The following RCOR3 variants were observed in gnomAD, a reference collection of about 807,000 sequenced individuals.
RCOR3 encodes REST corepressor 3.
Under a neutral mutation model 64.1 loss-of-function variants are expected in RCOR3, and 13 were observed. The ratio of observed to expected loss-of-function variants is 0.20; its 90% CI spans 0.13 to 0.32. RCOR3 has a LOEUF of 0.32. Ranked by LOEUF, RCOR3 falls within the 10% of genes least tolerant of loss-of-function variation. The pLI, the probability that RCOR3 is intolerant of heterozygous loss-of-function variation, is 1.00. For missense variants in RCOR3, 489 were observed against 701.2 expected, an observed-to-expected ratio of 0.70 and a Z score of 3.42; for synonymous variants, 215 against 239.0, an observed-to-expected ratio of 0.90 and a Z score of 0.93.
intron 7 of RCOR3, among the ~76,000 whole-genome samples, chr1:211,285,974 G>A (rs1283648175): frequency 6.6e-6 from 1 of 152,088 alleles, no homozygotes; most frequent in Non-Finnish European, 1.5e-5. Flanking sequence ...CTGTTATGTT[G>A]ATAGCTCCAC....
intron 10 of RCOR3, among the ~76,000 whole-genome samples, chr1:211,307,800 A>G (rs1325057699): frequency 6.6e-6 from 1 of 151,514 alleles, no homozygotes; most frequent in Non-Finnish European, 1.5e-5. Context: ...CCGATTGTAT[A>G]AAGATGTCAA....
At chr1:211,295,528 A>G in intron 8 of RCOR3, 148 bp from the exon 9 acceptor site, 1 of 623,658 alleles carries the variant, frequency 1.6e-6, no homozygotes, top group Non-Finnish European at 2.8e-6. Flanking sequence ...AATTAGTGGC[A>G]TGTCATACCC....
chr1:211,313,728 T>C lies in RCOR3; in HGVS notation c.1622T>C (p.Leu541Pro), dbSNP rs1040635822. 6.2e-7 allele frequency: 1 copy of C among 1,614,228 alleles called. No individual in the cohort carries two copies. The highest frequency in any genetic ancestry group is 1.3e-5 in the African/African-American group (1 of 75,062). ...STVGGQQPPS[L>P]IGIQTDSQSS... ...GTTGGTGGTCAACAGCCACCATCACTTATTGGAATTCAGACAGATTCACAG... is the reference window on the plus strand; with the variant it reads ...GTTGGTGGTCAACAGCCACCATCACCTATTGGAATTCAGACAGATTCACAG... The change falls in exon 12 of 12, where the codon CTT becomes CCT. Residue 541 changes from leucine to proline, a missense_variant. Coordinates refer to ENST00000419091, the MANE Select transcript of RCOR3 (RefSeq NM_001136223.3). The surrounding 1 kb of genome is among the most constrained non-coding windows in gnomAD (Gnocchi z 4.7).
At chr1:211,289,043 CATAATAT>C (rs1698922971) in intron 7 of RCOR3, 128 bp from the exon 8 acceptor site, 1 of 661,388 alleles carries the variant, frequency 1.5e-6, no homozygotes, top group African/African-American at 1.8e-5. Context: ...TGGACTTGTA[CATAATAT>C]ATAATTGGTT....
chr1:211,288,696 CAGCAACTGTAA>C, intron 7 of RCOR3, among the ~76,000 whole-genome samples: 1 of 151,540 alleles, frequency 6.6e-6, no homozygotes, highest in East Asian at 1.9e-4. Flanking sequence ...AGTTTTCTTT[CAGCAACTGTAA>C]AGTAAAAATG....
At chr1:211,274,317 G>C in intron 4 of RCOR3, 55 bp downstream of exon 4, 1 of 1,230,488 alleles carries the variant, frequency 8.1e-7, no homozygotes, top group Non-Finnish European at 1.2e-6. Context: ...ACCAAATCTA[G>C]ATTATCTCAT....
intron 9 of RCOR3, chr1:211,303,171 TTC>T (rs2102640078): frequency 6.6e-6 from 1 of 152,356 alleles, no homozygotes; most frequent in Admixed American, 6.5e-5. Flanking sequence ...CTCTCCTTAA[TTC>T]TAACTCCGTT....
intron 9 of RCOR3, among the ~76,000 whole-genome samples, chr1:211,300,661 T>C (rs543627775): frequency 6.6e-6 from 1 of 152,352 alleles, no homozygotes; most frequent in African/African-American, 2.4e-5. Flanking sequence ...GTTAAAGTCA[T>C]ATCATATGTT....
chr1:211,276,085 T>G (rs761168665), intron 4 of RCOR3, among the ~76,000 whole-genome samples, 172 bp from the exon 5 acceptor site: 4 of 152,140 alleles, frequency 2.6e-5, no homozygotes, highest in African/African-American at 4.8e-5. Flanking sequence ...TTAAAAGAAA[T>G]AAATAAATGA....
chr1:211,307,517 T>G (rs1700976142), intron 10 of RCOR3, among the ~76,000 whole-genome samples: 1 of 152,124 alleles, frequency 6.6e-6, no homozygotes, highest in African/African-American at 2.4e-5. Flanking sequence ...AAAAAGGAAT[T>G]TAAAAGAATT....
chr1:211,282,286 CA>C (rs150262936), intron 7 of RCOR3, among the ~76,000 whole-genome samples: 4,830 of 152,234 alleles, frequency 0.032, 279 homozygotes, highest in East Asian at 0.26. Context: ...TCATTCCAAA[CA>C]ATAAGGATAC....
chr1:211,312,849 G>C lies in RCOR3; in HGVS notation c.1205G>C (p.Trp402Ser). The C allele has an allele frequency of 6.2e-7, 1 of 1,614,184 alleles. No individual in the cohort carries two copies. The highest frequency in any genetic ancestry group is 8.5e-7 in the Non-Finnish European group (1 of 1,180,020). ...AACTTAGAGGAGGTATTGCAGGAGT[G>C]GGAAGCAGAACAAGGAACCCAGGCT... ...RFNLEEVLQE[W>S]EAEQGTQASN... is the part of the protein sequence containing the mutation. The change falls in exon 11 of 12, where the codon TGG (tryptophan) becomes TCG (serine). Residue 402 changes from tryptophan to serine, a missense_variant. Physicochemically the swap from Trp to Ser is radical, Grantham distance 177. This residue lies in a region of RCOR3 where 402 missense variants were observed against 617.0 expected (regional missense o/e 0.65). Coordinates refer to ENST00000419091, the MANE Select transcript of RCOR3 (RefSeq NM_001136223.3). This position sits in a 1 kb window ranked among gnomAD's most constrained non-coding sequence, Gnocchi z 5.0.
intron 10 of RCOR3, among the ~76,000 whole-genome samples, chr1:211,309,789 G>A (rs1220582063): frequency 6.6e-6 from 1 of 152,338 alleles, no homozygotes; most frequent in African/African-American, 2.4e-5. Context: ...CTCTGATGCC[G>A]TAAGTTGTTA....
chr1:211,259,752 C>T, intron 1 of RCOR3, 26 bp downstream of exon 1: 2 of 1,448,202 alleles, frequency 1.4e-6, no homozygotes, highest in South Asian at 1.4e-5. Context: ...TCCTCCCCGC[C>T]AGCCCGCCTG....
chr1:211,281,844 G>A (rs1300938072), intron 7 of RCOR3, among the ~76,000 whole-genome samples: 4 of 152,054 alleles, frequency 2.6e-5, no homozygotes, highest in East Asian at 1.9e-4. Flanking sequence ...CTACTGAGTG[G>A]TACTTGTTTA....
intron 7 of RCOR3, among the ~76,000 whole-genome samples, chr1:211,288,326 A>C (rs1404542896): frequency 1.3e-5 from 2 of 151,298 alleles, no homozygotes; most frequent in Non-Finnish European, 2.9e-5. Flanking sequence ...TACTTTAAGA[A>C]CAACTTATAA....
chr1:211,302,773 G>A (rs1700509515), intron 9 of RCOR3: 1 of 152,164 alleles, frequency 6.6e-6, no homozygotes, highest in Non-Finnish European at 1.5e-5. Context: ...AGCCAAGGTA[G>A]CATCAGATTG....
rs1701831057 is a variant in RCOR3 at position 211,315,698 on chromosome 1, G to C, written c.*1930G>C. 1 of 152,188 alleles carries C rather than the reference G, an allele frequency of 6.6e-6. No homozygotes were observed. Among genetic ancestry groups the C allele is most frequent in the African/African-American group, 2.4e-5 (1 of 41,426 alleles). The allele number at this position is 152,188 out of a possible 1,614,324, so 9.4% of individuals were successfully genotyped here. A position where few individuals can be genotyped will look rare whatever the true frequency, so the allele number is the denominator to read the frequency against. The stretch of plus-strand genomic sequence containing the variant: ...ACAGTATGTGGGATATGTCAGTCAA[G>C]TTGGTCAGCACCAGCATCTGTCCAG... On this transcript the variant is annotated 3_prime_UTR_variant, in exon 12 of 12. Coordinates refer to ENST00000419091, the MANE Select transcript of RCOR3 (RefSeq NM_001136223.3).
rs75478613 is a variant in RCOR3, at chr1:211,308,001, C to A, written c.1075+3861C>A. 4.1e-4 allele frequency among the ~76,000 whole-genome samples: 61 copies of A among 150,232 alleles called. 3 individuals carry two copies. In the East Asian group the frequency reaches 0.012, roughly 29 times the overall value. On this transcript the variant is annotated intron_variant, in intron 10 of 11. Coordinates refer to ENST00000419091, the MANE Select transcript of RCOR3 (RefSeq NM_001136223.3). ...TGCAAGTCTAGAAATTGTCTTCTCT[C>A]TTGTACTAACAAAAAGATAGAAGGG...
Sources: allele counts gnomAD v4.1 joint callset (sites outside exome capture counted in the v4.1 genomes callset), GRCh38; gene constraint gnomAD v4.1.1; regional missense constraint gnomAD v4.1.1; non-coding constraint Gnocchi (gnomAD v3.1); transcripts MANE v1.5; gene names NCBI Gene and HGNC (gene_info 2026-07-23, HGNC 2026-07-21).